The following CCDC22 variants were observed in gnomAD, a reference collection of about 807,000 sequenced individuals.
CCDC22 encodes the protein coiled-coil domain-containing protein 22.
Under a neutral mutation model 53.1 loss-of-function variants are expected in CCDC22, and 4 were observed. The ratio of observed to expected loss-of-function variants is 0.08; its 90% CI spans 0.04 to 0.17. The LOEUF is 0.17. Among genes scored for constraint, CCDC22 ranks in the 10% least tolerant of loss-of-function variants. The pLI is 1.00. For missense variants in CCDC22, 458 were observed against 554.0 expected (o/e 0.83, Z 1.74); for synonymous variants, 222 against 224.4 (o/e 0.99, Z 0.10).
intron 6 of CCDC22, among the ~76,000 whole-genome samples, chrX:49,245,269 T>C (rs782765301): frequency 8.9e-6 from 1 of 111,855 alleles, no homozygotes; most frequent in African/African-American, 3.2e-5. Context: ...TCTGCCCCTC[T>C]TTTTCTCCAC....
chrX:49,237,671 G>A (rs1328331898), intron 2 of CCDC22, among the ~76,000 whole-genome samples: 3 of 109,918 alleles, frequency 2.7e-5, no homozygotes, highest in African/African-American at 1.0e-4. Context: ...CCATTTCCTA[G>A]TTCCAGAAAA....
chrX:49,241,991 C>T, intron 2 of CCDC22, 25 bp from the exon 3 acceptor site: 1 of 1,208,749 alleles, frequency 8.3e-7, no homozygotes, highest in Non-Finnish European at 1.1e-6. Flanking sequence ...TGCCTGCTTC[C>T]TGATAGCCGC....
intron 2 of CCDC22, among the ~76,000 whole-genome samples, chrX:49,240,062 C>A (rs1327724567): frequency 9.4e-6 from 1 of 106,869 alleles, no homozygotes; most frequent in Non-Finnish European, 1.9e-5. Context: ...TCAGCCTGGG[C>A]AACATAGTGA....
rs2066002991 is a variant in CCDC22, at chrX:49,248,427, C to T, written c.1233C>T (p.Ala411=). ...ACCAGCTTGTGGTGGAGAATAGTGC[C>T]CAGCGGGTCATCCACTTGGCGGGTC... The part of the protein sequence containing the change: ...AKLQLVVENS[A]QRVIHLAGQW... Residue 411 remains alanine (A), a synonymous_variant, in exon 11 of 17, where the codon GCC becomes GCT. Transcript: ENST00000376227. The T allele has an allele frequency of 2.5e-6, 3 of 1,210,540 alleles. No homozygotes were observed. The South Asian group carries it at 5.3e-5, about 21-fold the overall frequency.
intron 13 of CCDC22, 52 bp downstream of exon 13, chrX:49,248,976 G>C: frequency 8.4e-7 from 1 of 1,184,739 alleles, no homozygotes; most frequent in Non-Finnish European, 1.1e-6. Flanking sequence ...CAGGCATAGT[G>C]TGGCCGCACA....
intron 2 of CCDC22, among the ~76,000 whole-genome samples, chrX:49,241,486 CAAAAAAA>C (rs386416987): frequency 1.2e-4 from 8 of 66,693 alleles, no homozygotes; most frequent in East Asian, 5.6e-4. Flanking sequence ...GACCCTGTCT[CAAAAAAA>C]AAAAAAAAAA....
chrX:49,241,683 T>A (rs1488219154), intron 2 of CCDC22, among the ~76,000 whole-genome samples: 2 of 111,512 alleles, frequency 1.8e-5, no homozygotes, highest in Non-Finnish European at 3.8e-5. Context: ...CAAATATTTT[T>A]TCCCAACTTG....
chrX:49,247,725 A>T lies in CCDC22; in HGVS notation c.1049A>T (p.Glu350Val). 8.3e-7 allele frequency: 1 copy of T among 1,210,109 alleles called. No homozygotes were observed. The highest frequency in any genetic ancestry group is 1.7e-5 in the African/African-American group (1 of 57,724). ...QLEGVNRSIE[E>V]VEADMKTLGV... ...GAAGGAGTGAACCGCAGCATTGAGG[A>T]GGTTGAGGCCGACATGAAGACCCTG... is the stretch of plus-strand genomic sequence containing the variant. The change falls in exon 9 of 17, where the codon GAG (glutamate) becomes GTG (valine). Residue 350 changes from glutamate to valine, a missense_variant. This residue lies in a region of CCDC22 where 309 missense variants were observed against 312.3 expected (regional missense o/e 0.99). Transcript: ENST00000376227.
At chrX:49,239,977 C>T (rs781953011) in intron 2 of CCDC22, among the ~76,000 whole-genome samples, 1 of 109,405 alleles carries the variant, frequency 9.1e-6, no homozygotes, top group South Asian at 3.9e-4. Flanking sequence ...GGGCTGGGCA[C>T]GTTGGCTCTT....
intron 12 of CCDC22, 34 bp from the exon 13 acceptor site, chrX:49,248,783 G>A: frequency 8.3e-7 from 1 of 1,206,565 alleles, no homozygotes; most frequent in South Asian, 1.8e-5. Context: ...TGGGGGGATG[G>A]TCCTGGGGCA....
At position 49,246,932 on chromosome X, in the gene CCDC22, G is replaced by C; in HGVS notation, c.909+7G>C. On this transcript the variant is annotated splice_region_variant and intron_variant, in intron 7 of 16. Coordinates refer to ENST00000376227, the MANE Select transcript of CCDC22 (RefSeq NM_014008.5). ...GAAGTTCACCTTCCATCTGGTGGGT[G>C]CGCCTGAGGACATGAGATGTGTGGA... 1 of 1,180,401 alleles carries C rather than the reference G, an allele frequency of 8.5e-7. No homozygotes were observed. Among genetic ancestry groups the C allele is most frequent in the Non-Finnish European group, 1.1e-6 (1 of 876,927 alleles).
At chrX:49,237,370 C>T in intron 2 of CCDC22, 107 bp downstream of exon 2, 1 of 734,524 alleles carries the variant, frequency 1.4e-6, no homozygotes, top group African/African-American at 2.1e-5. Context: ...TGCCTTTCCT[C>T]TGCAACACTT....
chrX:49,235,813 A>G (rs917281170), intron 1 of CCDC22, 127 bp downstream of exon 1: 4 of 456,946 alleles, frequency 8.8e-6, no homozygotes, highest in Admixed American at 7.1e-5. Context: ...GGATCCTAAG[A>G]CCCTCACCCC....
chrX:49,238,638 C>T (rs2065949959), intron 2 of CCDC22, among the ~76,000 whole-genome samples: 1 of 112,589 alleles, frequency 8.9e-6, no homozygotes, highest in African/African-American at 3.2e-5. Context: ...ATTGCCCAGG[C>T]TGGTCTTGAA....
chrX:49,243,240 C>T lies in CCDC22; in HGVS notation c.536-44C>T, dbSNP rs376665486. On this transcript the variant is annotated intron_variant, in intron 5 of 16. Transcript: ENST00000376227. ...AGGAAGGTGGGGGGGAACCTCATAG[C>T]GTTGCCATGCGGCAGGGCCAGCTGA... 1.9e-5 allele frequency: 23 copies of T among 1,196,294 alleles called. No individual in the cohort carries two copies. The Middle Eastern group carries it at 1.2e-3, about 60-fold the overall frequency.
At position 49,247,689 on chromosome X, in the gene CCDC22, G is replaced by A. The variant is rs1557114470; in HGVS notation, c.1013G>A (p.Arg338Gln). 10 of 1,204,641 alleles carry A rather than the reference G, an allele frequency of 8.3e-6. No homozygotes were observed. The highest frequency in any genetic ancestry group is 2.2e-5 in the Admixed American group (1 of 45,085). Residue 338 changes from arginine (R) to glutamine (Q), a missense_variant, in exon 9 of 17, where the codon CGG becomes CAG. Coordinates refer to ENST00000376227, the MANE Select transcript of CCDC22 (RefSeq NM_014008.5). ...CAGGAACAGGAGCTCGAGTCCCTTC[G>A]GGAGCAGCTGGAAGGAGTGAACCGC... Reference protein sequence around the residue: ...AAQEQELESLREQLEGVNRSI... With the variant: ...AAQEQELESLQEQLEGVNRSI...
At chrX:49,244,984 T>C (rs1384581271) in intron 6 of CCDC22, among the ~76,000 whole-genome samples, 1 of 108,900 alleles carries the variant, frequency 9.2e-6, no homozygotes, top group Non-Finnish European at 1.9e-5. Context: ...GTCCCCTCCT[T>C]CTCTCTGTCC....
At chrX:49,235,854 C>G (rs1480836867) in intron 1 of CCDC22, among the ~76,000 whole-genome samples, 168 bp downstream of exon 1, 4 of 106,650 alleles carry the variant, frequency 3.8e-5, no homozygotes, top group Non-Finnish European at 5.8e-5. Context: ...CACACACACA[C>G]ACACACACAC....
At chrX:49,245,323 C>T (rs1317310030) in intron 6 of CCDC22, among the ~76,000 whole-genome samples, 1 of 111,545 alleles carries the variant, frequency 9.0e-6, no homozygotes, top group African/African-American at 3.3e-5. Context: ...TTTTATCTGT[C>T]CTCTCTTTCT....
Sources: allele counts gnomAD v4.1 joint callset (sites outside exome capture counted in the v4.1 genomes callset), GRCh38; gene constraint gnomAD v4.1.1; regional missense constraint gnomAD v4.1.1; transcripts MANE v1.5; gene names NCBI Gene and HGNC (gene_info 2026-07-23, HGNC 2026-07-21).